The following NPRL3 variants were observed in gnomAD, a reference collection of about 807,000 sequenced individuals.
NPRL3 encodes GATOR1 complex protein NPRL3.
In NPRL3, 23 loss-of-function variants were observed where a neutral mutation model predicts 57.2. That is an observed-to-expected ratio of 0.40 (90% CI 0.29 to 0.57). The LOEUF (loss-of-function observed/expected upper bound fraction) is 0.57, where lower values mean the gene tolerates loss of function less well. Among genes scored for constraint, NPRL3 ranks in the 20% least tolerant of loss-of-function variants. The pLI is 0.42. For synonymous variants in NPRL3, 333 were observed against 321.1 expected (o/e 1.04, Z -0.39); for missense variants, 691 against 767.1 (o/e 0.90, Z 1.17).
At chr16:137,987 A>C (rs1298259733) in intron 2 of NPRL3, among the ~76,000 whole-genome samples, 163 bp downstream of exon 2, 2 of 151,608 alleles carry the variant, frequency 1.3e-5, no homozygotes, top group African/African-American at 4.8e-5. Flanking sequence ...ACAATGCATG[A>C]TTTTAATTTT....
At position 100,970 on chromosome 16, in the gene NPRL3, C is replaced by CAAAAAAAAAAAAAA. The variant is rs59640237; in HGVS notation, c.630-475_630-462dup. Among the ~76,000 whole-genome samples the CAAAAAAAAAAAAAA allele has an allele frequency of 2.9e-3, 105 of 36,092 alleles. 15 individuals are homozygous for CAAAAAAAAAAAAAA. Among genetic ancestry groups the CAAAAAAAAAAAAAA allele is most frequent in the African/African-American group, 7.7e-3 (58 of 7,518 alleles). The allele number at this position is 36,092 out of a possible 152,430, so 23.7% of individuals were successfully genotyped here. A position where few individuals can be genotyped will look rare whatever the true frequency, so the allele number is the denominator to read the frequency against. On this transcript the variant is annotated intron_variant, in intron 7 of 13. Transcript: ENST00000611875. ...TGGGCAACAAGGCAAGACTCTGTCT[C>CAAAAAAAAAAAAAA]AAAAAAAAAAAAAAAAAAAAGGAAG... is the stretch of plus-strand genomic sequence containing the variant.
chr16:95,558 T>C (rs1049287090), intron 9 of NPRL3, among the ~76,000 whole-genome samples: 12 of 152,012 alleles, frequency 7.9e-5, no homozygotes, highest in Non-Finnish European at 1.5e-4. Context: ...TGGATTGATA[T>C]AAACATGAAG....
intron 5 of NPRL3, among the ~76,000 whole-genome samples, chr16:116,262 C>T (rs559137922): frequency 6.0e-4 from 92 of 152,304 alleles, no homozygotes; most frequent in Middle Eastern, 3.4e-3. Context: ...CAGGGGTTAT[C>T]GGTGTTGACA....
intron 9 of NPRL3, among the ~76,000 whole-genome samples, chr16:97,107 G>A (rs945817641): frequency 8.5e-5 from 13 of 152,228 alleles, no homozygotes; most frequent in Non-Finnish European, 1.9e-4. Context: ...AGACGAGGGC[G>A]CCACCCACAG....
intron 2 of NPRL3, among the ~76,000 whole-genome samples, chr16:135,198 C>G (rs1901014190): frequency 1.3e-5 from 2 of 152,190 alleles, no homozygotes; most frequent in African/African-American, 4.8e-5. Flanking sequence ...TTGGCCCAAT[C>G]AATCATCATT....
At chr16:100,620 G>A (rs1899241023) in intron 7 of NPRL3, 111 bp from the exon 8 acceptor site, 1 of 1,110,026 alleles carries the variant, frequency 9.0e-7, no homozygotes, top group Admixed American at 4.0e-5. Flanking sequence ...AGGGGAAACT[G>A]CAGGTGGAGA....
chr16:113,280 G>C (rs1899894589), intron 5 of NPRL3, among the ~76,000 whole-genome samples: 1 of 152,186 alleles, frequency 6.6e-6, no homozygotes, highest in Non-Finnish European at 1.5e-5. Flanking sequence ...CGTTACTACA[G>C]GGATGCACGG....
At chr16:107,739 A>G (rs1251614438) in intron 7 of NPRL3, among the ~76,000 whole-genome samples, 1 of 152,226 alleles carries the variant, frequency 6.6e-6, no homozygotes, top group Admixed American at 6.5e-5. Flanking sequence ...ATAGAGCACT[A>G]CAAGCTCGAA....
rs1293893905 is a variant in NPRL3 at position 93,441 on chromosome 16, C to G, written c.925-116G>C. The G allele has an allele frequency of 4.2e-6, 3 of 706,238 alleles. No homozygotes were observed. The East Asian group carries it at 8.1e-5, about 19-fold the overall frequency. 43.7% of individuals were successfully genotyped at this position (706,238 alleles called of 1,614,324 possible). A position where few individuals can be genotyped will look rare whatever the true frequency, so the allele number is the denominator to read the frequency against. On this transcript the variant is annotated intron_variant, in intron 9 of 13. Coordinates refer to ENST00000611875, the MANE Select transcript of NPRL3 (RefSeq NM_001077350.3). ...CCAGCCTGGAGAAGCTGGCCCCAGCCTCATGCAGAACACACCTGGTGGCTA... is the reference window on the plus strand; with the variant it reads ...CCAGCCTGGAGAAGCTGGCCCCAGCGTCATGCAGAACACACCTGGTGGCTA...
intron 9 of NPRL3, among the ~76,000 whole-genome samples, chr16:95,610 G>A (rs1898973600): frequency 6.6e-6 from 1 of 152,020 alleles, no homozygotes; most frequent in East Asian, 1.9e-4. Flanking sequence ...GTCTTGCTCT[G>A]TTGCCCAGAC....
intron 9 of NPRL3, among the ~76,000 whole-genome samples, chr16:94,150 C>T (rs531923972): frequency 1.3e-5 from 2 of 152,258 alleles, no homozygotes; most frequent in South Asian, 4.2e-4. Flanking sequence ...AGGTCTGCCC[C>T]ATGTGCCCCG....
At chr16:115,095 C>T (rs1899972609) in intron 5 of NPRL3, among the ~76,000 whole-genome samples, 1 of 151,946 alleles carries the variant, frequency 6.6e-6, no homozygotes. Context: ...CCACCTCAGC[C>T]TCCCAGGTAG....
intron 3 of NPRL3, among the ~76,000 whole-genome samples, chr16:122,881 T>C (rs1900341942): frequency 6.6e-6 from 1 of 152,204 alleles, no homozygotes. Flanking sequence ...ACCTCCTTGC[T>C]GGAAGCTCAC....
chr16:132,716 C>T (rs989650604), intron 2 of NPRL3, among the ~76,000 whole-genome samples: 1 of 148,464 alleles, frequency 6.7e-6, no homozygotes, highest in African/African-American at 2.5e-5. Context: ...GTCGCCCAGG[C>T]TGGAGTGCAG....
chr16:136,314 T>C (rs1162904860), intron 2 of NPRL3, among the ~76,000 whole-genome samples: 2 of 152,170 alleles, frequency 1.3e-5, no homozygotes, highest in African/African-American at 4.8e-5. Context: ...CTGATCTACA[T>C]CAAAGATGCA....
rs985280797 is a variant in NPRL3 at position 138,068 on chromosome 16, C to T, written c.118+82G>A. The T allele has an allele frequency of 1.3e-5, 13 of 1,031,866 alleles. No homozygotes were observed. The African/African-American group carries it at 1.5e-4, about 12-fold the overall frequency. 63.9% of individuals were successfully genotyped at this position (1,031,866 alleles called of 1,614,324 possible). ...TCGAATGCCCAGCAAAAGCTAAGCT[C>T]CGCGAGGCGGCCCTGGAATGAGGCG... On this transcript the variant is annotated intron_variant, in intron 2 of 13. Transcript: ENST00000611875.
At chr16:128,921 T>C (rs1316979701) in intron 3 of NPRL3, among the ~76,000 whole-genome samples, 3 of 152,210 alleles carry the variant, frequency 2.0e-5, no homozygotes, top group Non-Finnish European at 4.4e-5. Context: ...CCTAAGGGTA[T>C]GAACCCTGTA....
intron 5 of NPRL3, among the ~76,000 whole-genome samples, chr16:113,727 G>A (rs1596523321): frequency 6.6e-6 from 1 of 152,200 alleles, no homozygotes; most frequent in East Asian, 1.9e-4. Context: ...AACCTCTGGT[G>A]CTGCCTCCCC....
intron 7 of NPRL3, among the ~76,000 whole-genome samples, chr16:102,883 C>G (rs938246127): frequency 1.3e-5 from 2 of 152,196 alleles, no homozygotes; most frequent in African/African-American, 4.8e-5. Context: ...CTCCCAGAAC[C>G]TTACCTCTCT....
Sources: allele counts gnomAD v4.1 joint callset (sites outside exome capture counted in the v4.1 genomes callset), GRCh38; gene constraint gnomAD v4.1.1; transcripts MANE v1.5; gene names NCBI Gene and HGNC (gene_info 2026-07-23, HGNC 2026-07-21).